Variants in ARHGEF26 observed in about 807,000 individuals in gnomAD.
ARHGEF26 encodes Rho guanine nucleotide exchange factor (GEF) 26.
ARHGEF26 carries 59 observed loss-of-function variants against 89.4 expected under a neutral mutation model. The observed-to-expected ratio is 0.66, with a 90% CI of 0.54 to 0.82. The LOEUF (loss-of-function observed/expected upper bound fraction) is 0.82, where lower values mean the gene tolerates loss of function less well. Ranked by LOEUF, ARHGEF26 falls within the 40% of genes least tolerant of loss-of-function variation. The pLI, the probability that ARHGEF26 is intolerant of heterozygous loss-of-function variation, is 0.00. For synonymous variants in ARHGEF26, 500 were observed against 428.4 expected (o/e 1.17, Z -2.06); for missense variants, 1,234 against 1,085.6 (o/e 1.14, Z -1.92).
chr3:154,142,990 A>G (rs12496189), intron 4 of ARHGEF26, among the ~76,000 whole-genome samples: 32,396 of 152,004 alleles, frequency 0.21, 4,443 homozygotes, highest in East Asian at 0.47. Flanking sequence ...TCATTTCTCT[A>G]GTTTCTCTTT....
chr3:154,218,856 C>T (rs1715942396), intron 10 of ARHGEF26, among the ~76,000 whole-genome samples: 1 of 151,946 alleles, frequency 6.6e-6, no homozygotes, highest in Non-Finnish European at 1.5e-5. Flanking sequence ...GAAAAGAAAC[C>T]CAGAGAATAA....
intron 4 of ARHGEF26, among the ~76,000 whole-genome samples, chr3:154,143,018 A>G (rs1719476061): frequency 6.6e-6 from 1 of 152,214 alleles, no homozygotes; most frequent in African/African-American, 2.4e-5. Flanking sequence ...CAACAAAGAA[A>G]TAGAGGTATT....
chr3:154,121,845 C>T, intron 1 of ARHGEF26, 97 bp from the exon 2 acceptor site: 1 of 1,124,638 alleles, frequency 8.9e-7, no homozygotes, highest in Non-Finnish European at 1.2e-6. Flanking sequence ...TCGTGTCCTG[C>T]GCAGCAGCAG....
At chr3:154,146,937 A>G (rs1370674628) in intron 4 of ARHGEF26, among the ~76,000 whole-genome samples, 2 of 152,226 alleles carry the variant, frequency 1.3e-5, no homozygotes, top group African/African-American at 4.8e-5. Context: ...TTTGTTAAAA[A>G]CTACTTTTGC....
intron 6 of ARHGEF26, among the ~76,000 whole-genome samples, chr3:154,173,762 T>G (rs1372500716): frequency 1.3e-5 from 2 of 152,144 alleles, no homozygotes; most frequent in African/African-American, 4.8e-5. Flanking sequence ...CTTATTCTTT[T>G]CTCTGCATAT....
intron 6 of ARHGEF26, among the ~76,000 whole-genome samples, chr3:154,167,189 A>G (rs1712096559): frequency 6.6e-6 from 1 of 152,214 alleles, no homozygotes; most frequent in African/African-American, 2.4e-5. Flanking sequence ...TGAGCATTAC[A>G]TCTGATTCCT....
intron 10 of ARHGEF26, among the ~76,000 whole-genome samples, chr3:154,222,470 A>G (rs1245069808): frequency 1.3e-5 from 2 of 152,174 alleles, no homozygotes; most frequent in Admixed American, 6.5e-5. Flanking sequence ...CTTGGGCATC[A>G]CTTACCTTTT....
At chr3:154,254,611 C>G in intron 13 of ARHGEF26, 109 bp from the exon 14 acceptor site, 1 of 794,788 alleles carries the variant, frequency 1.3e-6, no homozygotes. Flanking sequence ...ACTTGTTTCT[C>G]TCAATGCTGG....
intron 13 of ARHGEF26, among the ~76,000 whole-genome samples, chr3:154,253,569 T>C (rs1718297383): frequency 6.6e-6 from 1 of 152,230 alleles, no homozygotes; most frequent in Admixed American, 6.5e-5. Flanking sequence ...CAACAGTTGA[T>C]CATGTTTAAA....
rs556622624 is a variant in ARHGEF26 at position 154,221,558 on chromosome 3, TGAG to T, written c.1935+3603_1935+3605del. 4.3e-3 allele frequency among the ~76,000 whole-genome samples: 658 copies of T among 152,276 alleles called. 4 individuals carry two copies. Among genetic ancestry groups the T allele is most frequent in the Middle Eastern group, 0.02 (6 of 294 alleles). ...TAGTGTTGTTTGTAATAGTGAAAGA[TGAG>T]GAAAAACATCTAAATATCTATCAAA... is the stretch of plus-strand genomic sequence containing the variant. On this transcript the variant is annotated intron_variant, in intron 10 of 14. Coordinates refer to ENST00000465093, the MANE Select transcript of ARHGEF26 (RefSeq NM_015595.4).
At chr3:154,229,575 A>G (rs760528776) in intron 11 of ARHGEF26, among the ~76,000 whole-genome samples, 1 of 152,192 alleles carries the variant, frequency 6.6e-6, no homozygotes, top group East Asian at 1.9e-4. Flanking sequence ...CACGATTGAC[A>G]TTTTGGGGCC....
intron 12 of ARHGEF26, among the ~76,000 whole-genome samples, chr3:154,242,153 G>T (rs956465189): frequency 6.6e-6 from 1 of 152,214 alleles, no homozygotes; most frequent in Non-Finnish European, 1.5e-5. Flanking sequence ...TATTCCAAAT[G>T]AGCTGGAGAG....
At chr3:154,243,399 A>G (rs913449061) in intron 12 of ARHGEF26, among the ~76,000 whole-genome samples, 2 of 152,182 alleles carry the variant, frequency 1.3e-5, no homozygotes, top group Non-Finnish European at 2.9e-5. Context: ...TGTCTCATTC[A>G]TAATTTATGT....
At chr3:154,153,664 A>G (rs1270066688) in intron 6 of ARHGEF26, among the ~76,000 whole-genome samples, 3 of 152,128 alleles carry the variant, frequency 2.0e-5, no homozygotes, top group South Asian at 2.1e-4. Flanking sequence ...GAAAGATCCT[A>G]CAGTAAAATG....
chr3:154,127,767 G>C (rs938402160), intron 3 of ARHGEF26, among the ~76,000 whole-genome samples: 1 of 148,656 alleles, frequency 6.7e-6, no homozygotes, highest in African/African-American at 2.5e-5. Flanking sequence ...AGTACAATCG[G>C]TTTGTTTACA....
At chr3:154,196,070 G>C (rs770064813) in intron 9 of ARHGEF26, among the ~76,000 whole-genome samples, 2 of 151,866 alleles carry the variant, frequency 1.3e-5, no homozygotes, top group East Asian at 1.9e-4. Flanking sequence ...GTTATCCTTA[G>C]GTTTATCATC....
intron 4 of ARHGEF26, among the ~76,000 whole-genome samples, chr3:154,134,066 T>C (rs936238837): frequency 2.0e-5 from 3 of 152,196 alleles, no homozygotes; most frequent in African/African-American, 7.2e-5. Flanking sequence ...TTGCTGAAGT[T>C]TTTTTTATCA....
At chr3:154,171,668 G>C (rs551750759) in intron 6 of ARHGEF26, among the ~76,000 whole-genome samples, 1 of 152,230 alleles carries the variant, frequency 6.6e-6, no homozygotes, top group East Asian at 1.9e-4. Flanking sequence ...AGACATAAGA[G>C]GCACTATTGA....
chr3:154,177,678 A>G (rs1241024935), intron 6 of ARHGEF26, among the ~76,000 whole-genome samples: 3 of 152,206 alleles, frequency 2.0e-5, no homozygotes, highest in Non-Finnish European at 4.4e-5. Flanking sequence ...TTTGGGTGTC[A>G]GGGAAGCAAA....
Sources: allele counts gnomAD v4.1 joint callset (sites outside exome capture counted in the v4.1 genomes callset), GRCh38; gene constraint gnomAD v4.1.1; transcripts MANE v1.5; gene names NCBI Gene and HGNC (gene_info 2026-07-23, HGNC 2026-07-21).